Variants in PALM2AKAP2 observed in about 807,000 individuals in gnomAD.
PALM2AKAP2 encodes PALM2 and AKAP2 fusion.
In PALM2AKAP2, 37 loss-of-function variants were observed where a neutral mutation model predicts 71.5. The observed-to-expected ratio is 0.52, with a 90% CI of 0.40 to 0.68. The LOEUF is 0.68. PALM2AKAP2 is among the 30% of genes least tolerant of loss of function. The pLI, the probability that PALM2AKAP2 is intolerant of heterozygous loss-of-function variation, is 0.00. For synonymous variants in PALM2AKAP2, 468 were observed against 478.8 expected, an observed-to-expected ratio of 0.98 and a Z score of 0.29; for missense variants, 1,224 against 1,191.8, an observed-to-expected ratio of 1.03 and a Z score of -0.40.
intron 1 of PALM2AKAP2, among the ~76,000 whole-genome samples, chr9:109,833,677 A>C (rs10816892): frequency 0.1 from 15,620 of 152,242 alleles, 1,245 homozygotes; most frequent in East Asian, 0.41. Context: ...GGACTGCCCT[A>C]AACAGTACAG....
intron 1 of PALM2AKAP2, among the ~76,000 whole-genome samples, chr9:109,661,414 A>G (rs1827393898): frequency 1.3e-5 from 2 of 152,192 alleles, no homozygotes; most frequent in East Asian, 3.8e-4. Flanking sequence ...CATTTATTTA[A>G]TAGGGAATCC....
At chr9:109,675,695 T>C (rs1356034170) in intron 1 of PALM2AKAP2, among the ~76,000 whole-genome samples, 1 of 152,186 alleles carries the variant, frequency 6.6e-6, no homozygotes, top group Non-Finnish European at 1.5e-5. Context: ...ATTGTTTTAA[T>C]TATAACATTT....
chr9:109,659,753 A>C (rs1230212180), intron 1 of PALM2AKAP2, among the ~76,000 whole-genome samples: 2 of 152,228 alleles, frequency 1.3e-5, no homozygotes, highest in African/African-American at 4.8e-5. Context: ...TCCACTAAAA[A>C]ACTTTTTATA....
intron 6 of PALM2AKAP2, among the ~76,000 whole-genome samples, chr9:109,986,624 G>T (rs2132220472): frequency 6.6e-6 from 1 of 152,276 alleles, no homozygotes; most frequent in South Asian, 2.1e-4. Context: ...GTCTGTGCTT[G>T]TGACATATTT....
At chr9:109,728,228 A>T (rs1036626776) in intron 1 of PALM2AKAP2, among the ~76,000 whole-genome samples, 1 of 151,922 alleles carries the variant, frequency 6.6e-6, no homozygotes, top group Admixed American at 6.6e-5. Context: ...TTATGATAAC[A>T]ACATTCATTA....
intron 2 of PALM2AKAP2, among the ~76,000 whole-genome samples, chr9:109,869,575 T>G (rs920593149): frequency 2.6e-5 from 4 of 151,888 alleles, no homozygotes; most frequent in African/African-American, 9.7e-5. Context: ...CCTGACATTG[T>G]GATCCACCCG....
At chr9:109,897,902 C>T (rs1159838130) in intron 3 of PALM2AKAP2, among the ~76,000 whole-genome samples, 1 of 152,056 alleles carries the variant, frequency 6.6e-6, no homozygotes, top group African/African-American at 2.4e-5. Context: ...TGTTTCATAC[C>T]AGCTTGTTCA....
intron 1 of PALM2AKAP2, among the ~76,000 whole-genome samples, chr9:110,058,417 C>A (rs563932635): frequency 6.6e-6 from 1 of 152,160 alleles, no homozygotes. Flanking sequence ...GCAACATTCC[C>A]TCCCATTCCC....
intron 2 of PALM2AKAP2, among the ~76,000 whole-genome samples, chr9:109,873,195 G>A (rs1055600768): frequency 6.6e-6 from 1 of 152,186 alleles, no homozygotes; most frequent in South Asian, 2.1e-4. Context: ...AGGCGCAGTG[G>A]CTCATGCCTG....
chr9:109,912,886 C>T (rs1051521514), intron 3 of PALM2AKAP2, among the ~76,000 whole-genome samples: 2 of 152,170 alleles, frequency 1.3e-5, no homozygotes, highest in African/African-American at 4.8e-5. Flanking sequence ...AATTCACCCC[C>T]GATTAGTTTT....
chr9:109,978,950 C>G (rs1832218129), intron 6 of PALM2AKAP2, among the ~76,000 whole-genome samples: 1 of 151,990 alleles, frequency 6.6e-6, no homozygotes, highest in African/African-American at 2.4e-5. Flanking sequence ...CCCCTGTTTC[C>G]CTTTCTGTCT....
exon 2 of PALM2AKAP2, chr9:110,136,509 G>A: frequency 6.2e-7 from 1 of 1,613,906 alleles, no homozygotes; most frequent in South Asian, 1.1e-5. Context: ...GGCGGCCTAA[G>A]CCCCCCTGTC....
At chr9:109,689,192 T>C (rs1212126559) in intron 1 of PALM2AKAP2, among the ~76,000 whole-genome samples, 3 of 109,694 alleles carry the variant, frequency 2.7e-5, no homozygotes, top group Non-Finnish European at 5.4e-5. Flanking sequence ...TACCTTCTTT[T>C]TTCTTTTCTT....
chr9:109,687,781 C>G (rs1457418468), intron 1 of PALM2AKAP2, among the ~76,000 whole-genome samples: 1 of 152,256 alleles, frequency 6.6e-6, no homozygotes, highest in East Asian at 1.9e-4. Context: ...AGTTTTCAGC[C>G]TGTCTTGGCT....
At chr9:110,162,071 C>G in intron 3 of PALM2AKAP2, 23 bp from the exon 10 acceptor site, 1 of 1,613,834 alleles carries the variant, frequency 6.2e-7, no homozygotes, top group Non-Finnish European at 8.5e-7. Context: ...TGTACTAACC[C>G]TGGTCTTTTC....
At chr9:110,024,996 C>G in intron 7 of PALM2AKAP2, 3 of 1,291,478 alleles carry the variant, frequency 2.3e-6, no homozygotes, top group South Asian at 2.4e-5. Context: ...AACCCAGGTA[C>G]CTTTCTCTTT....
intron 6 of PALM2AKAP2, among the ~76,000 whole-genome samples, chr9:109,981,097 T>C (rs1466577569): frequency 6.6e-6 from 1 of 152,188 alleles, no homozygotes; most frequent in Non-Finnish European, 1.5e-5. Context: ...GCTTAATAAA[T>C]CTTCATTTAT....
At chr9:109,706,205 T>G (rs1247705290) in intron 1 of PALM2AKAP2, among the ~76,000 whole-genome samples, 1 of 152,232 alleles carries the variant, frequency 6.6e-6, no homozygotes, top group Non-Finnish European at 1.5e-5. Flanking sequence ...GTATTGCAGT[T>G]TTTTAGAAAA....
At chr9:109,670,498 T>G (rs1827557559) in intron 1 of PALM2AKAP2, among the ~76,000 whole-genome samples, 1 of 152,186 alleles carries the variant, frequency 6.6e-6, no homozygotes, top group Non-Finnish European at 1.5e-5. Flanking sequence ...CTGTAACACA[T>G]TTTCTTTATC....
Sources: allele counts gnomAD v4.1 joint callset (sites outside exome capture counted in the v4.1 genomes callset), GRCh38; gene constraint gnomAD v4.1.1; transcripts MANE v1.5; gene names NCBI Gene and HGNC (gene_info 2026-07-23, HGNC 2026-07-21).